KCNH8: variants seen among roughly 807,000 people sequenced by gnomAD.
KCNH8 encodes voltage-gated delayed rectifier potassium channel KCNH8.
Under a neutral mutation model 103.6 loss-of-function variants are expected in KCNH8, and 70 were observed. The observed-to-expected ratio is 0.68, with a 90% confidence interval of 0.56 to 0.82. KCNH8 has a LOEUF of 0.82. Among genes scored for constraint, KCNH8 ranks in the 40% least tolerant of loss-of-function variants. KCNH8 has a pLI of 0.00. For missense variants in KCNH8, 1,217 were observed against 1,329.9 expected, an observed-to-expected ratio of 0.92 and a Z score of 1.32; for synonymous variants, 498 against 489.4, an observed-to-expected ratio of 1.02 and a Z score of -0.23.
intron 7 of KCNH8, among the ~76,000 whole-genome samples, chr3:19,431,086 C>T (rs1048544693): frequency 1.3e-5 from 2 of 152,102 alleles, no homozygotes; most frequent in African/African-American, 4.8e-5. Flanking sequence ...ATGGTTCCAG[C>T]TTTTGCCCAT....
chr3:19,534,107 G>A lies in KCNH8; in HGVS notation c.*8G>A, dbSNP rs748559360. On this transcript the variant is annotated 3_prime_UTR_variant, in exon 16 of 16. Transcript: ENST00000328405. ...AAAGCCATAAATGTATGATATTAGT[G>A]CCCATGATGCAGCAGCTAATTTCAA... 6.3e-7 allele frequency: 1 copy of A among 1,591,332 alleles called. No individual in the cohort carries two copies. Among genetic ancestry groups the A allele is most frequent in the Non-Finnish European group, 8.6e-7 (1 of 1,161,676 alleles).
intron 3 of KCNH8, among the ~76,000 whole-genome samples, chr3:19,295,551 A>G (rs1389630781): frequency 6.6e-6 from 1 of 152,114 alleles, no homozygotes; most frequent in Non-Finnish European, 1.5e-5. Flanking sequence ...GAATATTCCC[A>G]GTTTGGGGAT....
intron 2 of KCNH8, among the ~76,000 whole-genome samples, chr3:19,269,081 G>T (rs1343622765): frequency 1.3e-5 from 2 of 152,050 alleles, no homozygotes; most frequent in Non-Finnish European, 2.9e-5. Flanking sequence ...GTGGATTTTG[G>T]TTTACGTGTG....
At chr3:19,183,697 A>T (rs183434972) in intron 1 of KCNH8, among the ~76,000 whole-genome samples, 68 of 152,312 alleles carry the variant, frequency 4.5e-4, no homozygotes, top group Middle Eastern at 3.4e-3. Context: ...TACAGACTGG[A>T]AGTAGGTATT....
Position 19,265,166 on chromosome 3 carries a change from T to C in KCNH8, c.310+11279T>C, listed in dbSNP as rs150662743. ...TACATTCAGTAAGTATGTATTCTAG[T>C]TCAGTGACTTTGCTTGTTTGAGCCC... On this transcript the variant is annotated intron_variant, in intron 2 of 15. Transcript: ENST00000328405. Among the ~76,000 whole-genome samples the C allele has an allele frequency of 1.9e-4, 29 of 152,186 alleles. No homozygotes were observed. The East Asian group carries it at 5.4e-3, about 29-fold the overall frequency.
At chr3:19,355,053 C>T (rs911580971) in intron 5 of KCNH8, among the ~76,000 whole-genome samples, 1 of 152,072 alleles carries the variant, frequency 6.6e-6, no homozygotes, top group Non-Finnish European at 1.5e-5. Flanking sequence ...TCAAACAACC[C>T]CATCAAAAAG....
At chr3:19,221,855 T>G (rs2063878386) in intron 1 of KCNH8, among the ~76,000 whole-genome samples, 1 of 151,790 alleles carries the variant, frequency 6.6e-6, no homozygotes, top group African/African-American at 2.4e-5. Flanking sequence ...TTTTTTTTTT[T>G]TTTCCTTCTT....
chr3:19,511,851 G>A (rs1288735227), intron 12 of KCNH8, among the ~76,000 whole-genome samples: 2 of 151,906 alleles, frequency 1.3e-5, no homozygotes, highest in African/African-American at 4.8e-5. Context: ...AACTGAACGG[G>A]CTATTGCCTA....
In KCNH8 at chr3:19,513,232, T is replaced by C. The variant is rs772645990; in HGVS notation, c.2342T>C (p.Ile781Thr). 9 of 1,613,690 alleles carry C rather than the reference T, an allele frequency of 5.6e-6. 2 individuals carry two copies. The South Asian group carries it at 7.7e-5, about 14-fold the overall frequency. The part of the protein sequence containing the change: ...RSNSPKTKQE[I>T]DPPNHNKRKE... ...AATTCCCCCAAAACCAAGCAGGAAATTGACCCCCCCAACCATAATAAAAGG... is the reference window on the plus strand; with the variant it reads ...AATTCCCCCAAAACCAAGCAGGAAACTGACCCCCCCAACCATAATAAAAGG... Residue 781 changes from isoleucine (I) to threonine (T), a missense_variant, in exon 13 of 16, where the codon ATT (isoleucine) becomes ACT (threonine). Around this residue, in one of 3 missense-constraint regions of KCNH8, gnomAD observed 558 missense variants for 495.8 expected, o/e 1.13. Coordinates refer to ENST00000328405, the MANE Select transcript of KCNH8 (RefSeq NM_144633.3).
At chr3:19,419,845 A>T (rs563714079) in intron 7 of KCNH8, among the ~76,000 whole-genome samples, 1 of 152,198 alleles carries the variant, frequency 6.6e-6, no homozygotes, top group Non-Finnish European at 1.5e-5. Flanking sequence ...AATAAAAATT[A>T]ACTCCTATTT....
At chr3:19,284,177 A>G (rs1346368197) in intron 3 of KCNH8, among the ~76,000 whole-genome samples, 4 of 152,152 alleles carry the variant, frequency 2.6e-5, no homozygotes, top group Non-Finnish European at 1.5e-5. Context: ...GACATGACCC[A>G]GTGTTGCACC....
chr3:19,290,140 T>C (rs2064897231), intron 3 of KCNH8, among the ~76,000 whole-genome samples: 1 of 152,176 alleles, frequency 6.6e-6, no homozygotes, highest in Non-Finnish European at 1.5e-5. Context: ...CTTAAGGAGA[T>C]TTTGGGCTGA....
rs527401171 is a variant in KCNH8, at chr3:19,255,745, T to TA, written c.310+1868dup. On this transcript the variant is annotated intron_variant, in intron 2 of 15. Transcript: ENST00000328405. The stretch of plus-strand genomic sequence containing the variant: ...GTTGCTAAAGTTTATTTACTGGCTC[T>TA]AAAAAAAAAAGATAGTTCCAGTTTT... 1.2e-3 allele frequency among the ~76,000 whole-genome samples: 179 copies of TA among 148,064 alleles called. No individual in the cohort carries two copies. The East Asian group carries it at 0.028, about 23-fold the overall frequency.
At chr3:19,481,285 C>T (rs1448346857) in intron 11 of KCNH8, among the ~76,000 whole-genome samples, 2 of 152,090 alleles carry the variant, frequency 1.3e-5, no homozygotes, top group East Asian at 1.9e-4. Flanking sequence ...ATATTATACT[C>T]ATAAGTAATA....
intron 3 of KCNH8, among the ~76,000 whole-genome samples, chr3:19,306,726 C>T (rs948939196): frequency 1.3e-5 from 2 of 152,028 alleles, no homozygotes; most frequent in African/African-American, 4.8e-5. Flanking sequence ...TCTTCCTTGC[C>T]AATAAAATGA....
intron 11 of KCNH8, among the ~76,000 whole-genome samples, chr3:19,507,145 C>T (rs1486755561): frequency 6.6e-6 from 1 of 152,168 alleles, no homozygotes; most frequent in Non-Finnish European, 1.5e-5. Context: ...AATGGAGGTT[C>T]AAGAGCTTAC....
chr3:19,513,082 G>A lies in KCNH8; in HGVS notation c.2192G>A (p.Cys731Tyr), dbSNP rs536734321. 19 of 1,613,810 alleles carry A rather than the reference G, an allele frequency of 1.2e-5. No homozygotes were observed. The highest frequency in any genetic ancestry group is 9.9e-5 in the South Asian group (9 of 91,086). Residue 731 changes from cysteine to tyrosine, a missense_variant, in exon 13 of 16, where the codon TGC becomes TAC. Transcript: ENST00000328405. ...GAGGCAGTCTCCCTCTCTCCCATCTGCACAAGGGGATCTTCTTCGCGCAAC... is the reference window on the plus strand; with the variant it reads ...GAGGCAGTCTCCCTCTCTCCCATCTACACAAGGGGATCTTCTTCGCGCAAC... ...EEEAVSLSPI[C>Y]TRGSSSRNKK...
chr3:19,374,924 A>C (rs1451732878), intron 5 of KCNH8, among the ~76,000 whole-genome samples: 1 of 152,034 alleles, frequency 6.6e-6, no homozygotes, highest in African/African-American at 2.4e-5. Context: ...AAGAATGTTG[A>C]ATATTGGCCC....
At chr3:19,323,987 G>T (rs1365021274) in intron 3 of KCNH8, among the ~76,000 whole-genome samples, 6 of 152,210 alleles carry the variant, frequency 3.9e-5, no homozygotes, top group African/African-American at 1.4e-4. Flanking sequence ...TTGGCCTTCA[G>T]CCAGGTGGTG....
Sources: allele counts gnomAD v4.1 joint callset (sites outside exome capture counted in the v4.1 genomes callset), GRCh38; gene constraint gnomAD v4.1.1; regional missense constraint gnomAD v4.1.1; transcripts MANE v1.5; gene names NCBI Gene and HGNC (gene_info 2026-07-23, HGNC 2026-07-21).